Variants in RIPOR3 observed in about 807,000 individuals in gnomAD.
The protein encoded by RIPOR3 is family with sequence similarity 65 member C.
A neutral mutation model predicts 114.3 loss-of-function variants in RIPOR3; 95 were observed. The ratio of observed to expected loss-of-function variants is 0.83; its 90% CI spans 0.70 to 0.99. RIPOR3 has a LOEUF of 0.99. Ranked by LOEUF, RIPOR3 falls within the 50% of genes least tolerant of loss-of-function variation. RIPOR3 has a pLI of 0.00. For synonymous variants in RIPOR3, 575 were observed against 543.8 expected (o/e 1.06, Z -0.80); for missense variants, 1,252 against 1,266.9 (o/e 0.99, Z 0.18).
chr20:50,683,045 G>A (rs1288487518), intron 1 of RIPOR3, among the ~76,000 whole-genome samples: 1 of 152,158 alleles, frequency 6.6e-6, no homozygotes, highest in African/African-American at 2.4e-5. Context: ...ATTTTTTTAA[G>A]CAAGGGAAAT....
intron 1 of RIPOR3, chr20:50,660,048 T>C (rs2085944631): frequency 6.6e-6 from 1 of 152,202 alleles, no homozygotes; most frequent in Non-Finnish European, 1.5e-5. Flanking sequence ...ACACAGGATG[T>C]TCCTGTTGGT....
At chr20:50,674,946 A>G (rs2086636929) in intron 1 of RIPOR3, among the ~76,000 whole-genome samples, 1 of 151,986 alleles carries the variant, frequency 6.6e-6, no homozygotes, top group South Asian at 2.1e-4. Flanking sequence ...AATAAATAAA[A>G]TTAAACTTAA....
intron 4 of RIPOR3, 100 bp from the exon 5 acceptor site, chr20:50,611,304 A>C: frequency 6.6e-7 from 1 of 1,517,676 alleles, no homozygotes; most frequent in Non-Finnish European, 9.1e-7. Context: ...GCTCAGAGTC[A>C]GAGGACAGAA....
At chr20:50,681,721 T>C (rs895053693) in intron 1 of RIPOR3, among the ~76,000 whole-genome samples, 2 of 152,188 alleles carry the variant, frequency 1.3e-5, no homozygotes, top group African/African-American at 2.4e-5. Context: ...CCCACACGCG[T>C]TGAGAACCAG....
At chr20:50,666,226 T>TCTTTTCTCTTCTCTTC (rs1555873214) in intron 1 of RIPOR3, among the ~76,000 whole-genome samples, 1 of 139,742 alleles carries the variant, frequency 7.2e-6, no homozygotes, top group Non-Finnish European at 1.5e-5. Context: ...TCTTTTCTTT[T>TCTTTTCTCTTCTCTTC]TTGAGACGGA....
intron 21 of RIPOR3, 26 bp downstream of exon 21, chr20:50,587,776 G>A (rs755645820): frequency 3.3e-5 from 53 of 1,611,922 alleles, no homozygotes; most frequent in African/African-American, 5.3e-5. Flanking sequence ...ACCCCGCTGC[G>A]CTGCACAGTT....
intron 11 of RIPOR3, among the ~76,000 whole-genome samples, chr20:50,606,087 T>TCC (rs1205324687): frequency 6.6e-6 from 1 of 152,206 alleles, no homozygotes. Context: ...GCACCTGTGA[T>TCC]CCCAGCTACT....
intron 11 of RIPOR3, among the ~76,000 whole-genome samples, chr20:50,607,224 C>T (rs577383900): frequency 2.1e-4 from 32 of 152,306 alleles, no homozygotes; most frequent in Non-Finnish European, 4.4e-4. Context: ...GAGCAGGGGA[C>T]ACTCGGTTCA....
chr20:50,630,905 T>C, intron 1 of RIPOR3, 49 bp from the exon 2 acceptor site: 1 of 1,474,390 alleles, frequency 6.8e-7, no homozygotes, highest in African/African-American at 1.4e-5. Context: ...ATCCAGCGAG[T>C]GCCGTCCGCA....
intron 1 of RIPOR3, among the ~76,000 whole-genome samples, chr20:50,656,332 T>C (rs2085811988): frequency 6.6e-6 from 1 of 152,164 alleles, no homozygotes; most frequent in Non-Finnish European, 1.5e-5. Context: ...GAACCTCTGT[T>C]TCCTCATCTG....
chr20:50,602,275 C>T lies in RIPOR3; in HGVS notation c.1456G>A (p.Gly486Ser). 2 of 1,614,014 alleles carry T rather than the reference C, an allele frequency of 1.2e-6. No homozygotes were observed. Among genetic ancestry groups the T allele is most frequent in the Non-Finnish European group, 1.7e-6 (2 of 1,179,966 alleles). Residue 486 changes from glycine to serine, a missense_variant, in exon 13 of 22, where the codon GGC (glycine) becomes AGC (serine). Transcript: ENST00000327979. The surrounding 1 kb of genome is among the most constrained non-coding windows in gnomAD (Gnocchi z 4.3). ...GCTGTGCCGCTGTGGAACAGGGAGC[C>T]CTGTGGCAGGCTGGGGCTCTCCCCT... ...LGGESPSLPQGSLFHSGTASS... is the reference protein window; with the variant it reads ...LGGESPSLPQSSLFHSGTASS...
At chr20:50,615,108 A>AGAGTGTGT (rs74175509) in intron 4 of RIPOR3, among the ~76,000 whole-genome samples, 2 of 138,414 alleles carry the variant, frequency 1.4e-5, no homozygotes, top group Admixed American at 7.4e-5. Flanking sequence ...GCTATTTGTG[A>AGAGTGTGT]GTGTGTGTGT....
At chr20:50,633,553 A>C (rs1045884296) in intron 1 of RIPOR3, among the ~76,000 whole-genome samples, 1 of 152,066 alleles carries the variant, frequency 6.6e-6, no homozygotes, top group African/African-American at 2.4e-5. Flanking sequence ...GTAGGGAGGG[A>C]TTCCCAAAGG....
In RIPOR3 at chr20:50,608,957, T is replaced by C; in HGVS notation, c.641-2A>G. The C allele has an allele frequency of 6.3e-7, 1 of 1,579,532 alleles. No individual in the cohort carries two copies. The highest frequency in any genetic ancestry group is 8.6e-7 in the Non-Finnish European group (1 of 1,163,184). On this transcript the variant is annotated splice_acceptor_variant, in intron 8 of 21. Transcript: ENST00000327979. LOFTEE classifies it high-confidence loss of function. ...AGAGGCGTGCGTAGCCCACCAAGCC[T>C]GGAACACAGACATGGCCGGTCTCCC...
intron 11 of RIPOR3, 50 bp downstream of exon 11, chr20:50,608,339 C>G (rs1336081863): frequency 6.2e-7 from 1 of 1,608,758 alleles, no homozygotes; most frequent in Non-Finnish European, 8.5e-7. Flanking sequence ...GCCAGGCCAC[C>G]AGGGGCAGCC....
intron 18 of RIPOR3, 95 bp downstream of exon 18, chr20:50,592,940 G>A: frequency 6.9e-7 from 1 of 1,445,116 alleles, no homozygotes; most frequent in South Asian, 1.3e-5. Context: ...TGGCGGGGAT[G>A]GATGTAGTGG....
At chr20:50,601,856 C>T (rs1050859309) in intron 13 of RIPOR3, among the ~76,000 whole-genome samples, 1 of 152,222 alleles carries the variant, frequency 6.6e-6, no homozygotes, top group South Asian at 2.1e-4. Context: ...AGCCTATCTA[C>T]TGTGAACTCT....
Position 50,608,616 on chromosome 20 carries a change from G to A in RIPOR3, c.807C>T (p.Ile269=). 6.2e-7 allele frequency: 1 copy of A among 1,614,010 alleles called. No homozygotes were observed. Residue 269 remains isoleucine, a synonymous_variant, in exon 10 of 22, where the codon ATC becomes ATT. Transcript: ENST00000327979. ...TGCCCCCGGGCCCCATCCCCACCTTGATGTCCAGGTTCTCATGCAGCGTGG... is the reference window on the plus strand; with the variant it reads ...TGCCCCCGGGCCCCATCCCCACCTTAATGTCCAGGTTCTCATGCAGCGTGG... ...FIPTLHENLD[I]KVTELRGLGS... is the part of the protein sequence containing the mutation.
At chr20:50,666,034 G>T (rs6096053) in intron 1 of RIPOR3, among the ~76,000 whole-genome samples, 2,493 of 151,122 alleles carry the variant, frequency 0.016, 94 homozygotes, top group African/African-American at 0.058. Flanking sequence ...CCAAGGCCCA[G>T]ACTCTGGGCC....
Sources: gnomAD v4.1 joint callset for allele counts (sites outside exome capture counted in the v4.1 genomes callset) on GRCh38, gnomAD v4.1.1 for gene constraint, Gnocchi (gnomAD v3.1) non-coding constraint, MANE v1.5 for transcripts, NCBI Gene and HGNC (gene_info 2026-07-23, HGNC 2026-07-21) for gene names.